The following USPL1 variants were observed in gnomAD, a reference collection of about 807,000 sequenced individuals.
USPL1 encodes the protein ubiquitin specific peptidase like 1.
Under a neutral mutation model 51.5 loss-of-function variants are expected in USPL1, and 27 were observed. The ratio of observed to expected loss-of-function variants is 0.52; its 90% CI spans 0.39 to 0.72. The LOEUF is 0.72. Among genes scored for constraint, USPL1 ranks in the 30% least tolerant of loss-of-function variants. USPL1 has a pLI of 0.00. For missense variants in USPL1, 1,226 were observed against 1,268.0 expected (o/e 0.97, Z 0.50); for synonymous variants, 451 against 459.6 (o/e 0.98, Z 0.24).
chr13:30,643,139 G>T (rs528734277), intron 6 of USPL1, among the ~76,000 whole-genome samples: 119 of 152,256 alleles, frequency 7.8e-4, no homozygotes, highest in Admixed American at 1.4e-3. Context: ...CAGAGGTAAT[G>T]CAAGCTTCCC....
chr13:30,643,200 CAT>C (rs1232873807), intron 6 of USPL1, among the ~76,000 whole-genome samples: 2 of 152,190 alleles, frequency 1.3e-5, no homozygotes, highest in Admixed American at 6.5e-5. Flanking sequence ...GAAGCCTACA[CAT>C]GAGTCTTCTC....
intron 5 of USPL1, among the ~76,000 whole-genome samples, chr13:30,640,085 A>G (rs1445362610): frequency 3.9e-5 from 6 of 152,196 alleles, no homozygotes; most frequent in East Asian, 1.9e-4. Context: ...GCTATATTTT[A>G]GCTGAAGATC....
intron 4 of USPL1, among the ~76,000 whole-genome samples, chr13:30,632,714 G>C (rs1051109232): frequency 6.6e-6 from 1 of 151,912 alleles, no homozygotes; most frequent in Admixed American, 6.6e-5. Flanking sequence ...ACCTGGCCTA[G>C]GCAGTCTTTT....
Position 30,631,134 on chromosome 13 carries a change from A to C in USPL1, c.528A>C (p.Glu176Asp). The C allele has an allele frequency of 1.2e-6, 2 of 1,614,224 alleles. No homozygotes were observed. The highest frequency in any genetic ancestry group is 1.7e-6 in the Non-Finnish European group (2 of 1,180,038). The change falls in exon 4 of 9, where the codon GAA (glutamate) becomes GAC (aspartate). Residue 176 changes from glutamate (E) to aspartate (D), a missense_variant. Glu to Asp is a conservative substitution (Grantham distance 45). Coordinates refer to ENST00000255304, the MANE Select transcript of USPL1 (RefSeq NM_005800.5). ...ADSLERNEIL[E>D]ADTVDMATTK... ...CCTTGGAGCGGAATGAGATTTTGGA[A>C]GCTGATACTGTTGACATGGCTACTA...
In USPL1 at chr13:30,646,927, T is replaced by C; in HGVS notation, c.1113-5T>C. 6.3e-7 allele frequency: 1 copy of C among 1,599,122 alleles called. No homozygotes were observed. The highest frequency in any genetic ancestry group is 8.5e-7 in the Non-Finnish European group (1 of 1,173,838). On this transcript the variant is annotated splice_polypyrimidine_tract_variant and splice_region_variant and intron_variant, in intron 6 of 8. Coordinates refer to ENST00000255304, the MANE Select transcript of USPL1 (RefSeq NM_005800.5). ...TAATGAATTTGTTATGTCATTTTTT[T>C]ATAGGCATATGAAGAGTCTGGTCAC...
chr13:30,621,180 A>T lies in USPL1; in HGVS notation c.40A>T (p.Ile14Phe). The T allele has an allele frequency of 6.2e-7, 1 of 1,607,980 alleles. No homozygotes were observed. Among genetic ancestry groups the T allele is most frequent in the Non-Finnish European group, 8.5e-7 (1 of 1,177,968 alleles). ...SPKIGNGLPV[I>F]GPGTDIGISS... Reference sequence around the variant, plus strand: ...GAAGATTGGAAATGGTTTGCCAGTGATTGGACCAGGGACTGATATAGGGAT... The same window carrying T: ...GAAGATTGGAAATGGTTTGCCAGTGTTTGGACCAGGGACTGATATAGGGAT... The change falls in exon 2 of 9, where the codon ATT (isoleucine) becomes TTT (phenylalanine). Residue 14 changes from isoleucine (I) to phenylalanine (F), a missense_variant. Ile to Phe is a conservative substitution (Grantham distance 21). Transcript: ENST00000255304.
chr13:30,652,506 G>C (rs1016900471), intron 7 of USPL1, among the ~76,000 whole-genome samples: 6 of 152,258 alleles, frequency 3.9e-5, no homozygotes, highest in African/African-American at 1.4e-4. Context: ...TCTATTTTCT[G>C]GTTCAGCATG....
intron 4 of USPL1, among the ~76,000 whole-genome samples, chr13:30,632,667 C>T (rs1950823177): frequency 1.3e-5 from 2 of 152,188 alleles, no homozygotes; most frequent in South Asian, 4.2e-4. Flanking sequence ...CTGCCTTGGC[C>T]TCCCAAAGTG....
chr13:30,633,528 T>C (rs572099758), intron 4 of USPL1, among the ~76,000 whole-genome samples: 1 of 152,138 alleles, frequency 6.6e-6, no homozygotes, highest in East Asian at 1.9e-4. Flanking sequence ...CCCAGCACTT[T>C]AGGAAGCTGA....
intron 3 of USPL1, among the ~76,000 whole-genome samples, chr13:30,622,571 C>G (rs1950659410): frequency 6.6e-6 from 1 of 152,142 alleles, no homozygotes. Context: ...AACATAAGAT[C>G]CTGATACAGT....
chr13:30,619,159 T>C (rs567732850), intron 1 of USPL1, among the ~76,000 whole-genome samples: 6 of 152,306 alleles, frequency 3.9e-5, no homozygotes, highest in Non-Finnish European at 8.8e-5. Context: ...GAGCAGTTAC[T>C]TAGGGTCAAA....
rs756236121 is a variant in USPL1 at position 30,631,101 on chromosome 13, A to G, written c.495A>G (p.Thr165=). The stretch of plus-strand genomic sequence containing the variant: ...GTGGTCAACAGAATCCAATTAGGAC[A>G]GCTGATTCCTTGGAGCGGAATGAGA... ...DSSGQQNPIR[T]ADSLERNEIL... Residue 165 remains threonine, a synonymous_variant, in exon 4 of 9, where the codon ACA becomes ACG. Coordinates refer to ENST00000255304, the MANE Select transcript of USPL1 (RefSeq NM_005800.5). 1.2e-6 allele frequency: 2 copies of G among 1,614,106 alleles called. No individual in the cohort carries two copies. Among genetic ancestry groups the G allele is most frequent in the African/African-American group, 1.3e-5 (1 of 74,936 alleles).
chr13:30,642,968 TC>T (rs564343341), intron 6 of USPL1, among the ~76,000 whole-genome samples: 21 of 152,254 alleles, frequency 1.4e-4, no homozygotes, highest in Admixed American at 2.0e-4. Context: ...ACACCTCCCT[TC>T]TCCAGAGTCC....
chr13:30,638,886 A>G (rs1198809612), intron 5 of USPL1, among the ~76,000 whole-genome samples: 1 of 149,854 alleles, frequency 6.7e-6, no homozygotes. Flanking sequence ...TTTATAATAT[A>G]TTTACAATAT....
chr13:30,620,581 T>G (rs1181308006), intron 1 of USPL1, among the ~76,000 whole-genome samples: 1 of 152,208 alleles, frequency 6.6e-6, no homozygotes, highest in Non-Finnish European at 1.5e-5. Context: ...TAATAAGTAG[T>G]ATTTTTCCCA....
intron 7 of USPL1, among the ~76,000 whole-genome samples, 198 bp from the exon 8 acceptor site, chr13:30,652,950 A>T (rs1405747766): frequency 6.6e-6 from 1 of 152,186 alleles, no homozygotes; most frequent in East Asian, 1.9e-4. Context: ...TACCATTCTG[A>T]AAAGGGTTTA....
In USPL1 at chr13:30,637,760, A is replaced by T. The variant is rs1226847156; in HGVS notation, c.885A>T (p.Lys295Asn). The change falls in exon 5 of 9, where the codon AAA becomes AAT. Residue 295 changes from lysine to asparagine, a missense_variant. Physicochemically the swap from Lys to Asn is moderately conservative, Grantham distance 94 (BLOSUM62 0). Coordinates refer to ENST00000255304, the MANE Select transcript of USPL1 (RefSeq NM_005800.5). ...LSGVKDGDCKKLTSEIFAEIE... is the reference protein window; with the variant it reads ...LSGVKDGDCKNLTSEIFAEIE... ...TTTTCTTAGATGGAGATTGTAAAAA[A>T]CTTACCTCAGAAATATTTGCAGAGA... The T allele has an allele frequency of 3.7e-6, 6 of 1,611,358 alleles. No individual in the cohort carries two copies. Among genetic ancestry groups the T allele is most frequent in the Non-Finnish European group, 4.2e-6 (5 of 1,179,154 alleles).
chr13:30,646,828 GAA>G, intron 6 of USPL1, 102 bp from the exon 7 acceptor site: 1 of 1,271,328 alleles, frequency 7.9e-7, no homozygotes. Flanking sequence ...GGGGAAATAA[GAA>G]AGTATGAATC....
In USPL1 at chr13:30,659,062, T is replaced by C. The variant is rs2137740062; in HGVS notation, c.2985T>C (p.Tyr995=). 1 of 1,614,196 alleles carries C rather than the reference T, an allele frequency of 6.2e-7. No homozygotes were observed. Among genetic ancestry groups the C allele is most frequent in the Non-Finnish European group, 8.5e-7 (1 of 1,180,034 alleles). ...AAAATGGGGAAGGTGACTTTAGGTATTTGGGAATGGGAGATAGTCATATCC... is the reference window on the plus strand; with the variant it reads ...AAAATGGGGAAGGTGACTTTAGGTACTTGGGAATGGGAGATAGTCATATCC... The part of the protein sequence containing the change: ...LSENGEGDFR[Y]LGMGDSHIPP... The change falls in exon 9 of 9, where the codon TAT becomes TAC. Residue 995 remains tyrosine, a synonymous_variant. Coordinates refer to ENST00000255304, the MANE Select transcript of USPL1 (RefSeq NM_005800.5).
Sources: gnomAD v4.1 joint callset for allele counts (sites outside exome capture counted in the v4.1 genomes callset) on GRCh38, gnomAD v4.1.1 for gene constraint, MANE v1.5 for transcripts, NCBI Gene and HGNC (gene_info 2026-07-23, HGNC 2026-07-21) for gene names.